Variants in MACROD2 observed in about 807,000 individuals in gnomAD.
MACROD2 encodes the protein ADP-ribose glycohydrolase MACROD2.
Under a neutral mutation model 70.4 loss-of-function variants are expected in MACROD2, and 36 were observed. The observed-to-expected ratio is 0.51, with a 90% CI of 0.39 to 0.68. MACROD2 has a LOEUF of 0.68. Ranked by LOEUF, MACROD2 falls within the 30% of genes least tolerant of loss-of-function variation. The pLI is 0.00. For missense variants in MACROD2, 496 were observed against 538.4 expected, an observed-to-expected ratio of 0.92 and a Z score of 0.78; for synonymous variants, 172 against 178.8, an observed-to-expected ratio of 0.96 and a Z score of 0.30.
At chr20:15,435,716 A>G (rs1321953834) in intron 7 of MACROD2, among the ~76,000 whole-genome samples, 1 of 152,192 alleles carries the variant, frequency 6.6e-6, no homozygotes, top group Non-Finnish European at 1.5e-5. Flanking sequence ...TAAAATCTAG[A>G]GTGGATCATG....
intron 5 of MACROD2, among the ~76,000 whole-genome samples, chr20:14,961,329 A>C (rs1468269126): frequency 6.6e-6 from 1 of 152,186 alleles, no homozygotes; most frequent in African/African-American, 2.4e-5. Context: ...GAAATTGAGA[A>C]CCAGGGTGAT....
At position 14,267,666 on chromosome 20, in the gene MACROD2, C is replaced by G. The variant is rs111787611; in HGVS notation, c.271+181938C>G. 4.5e-3 allele frequency among the ~76,000 whole-genome samples: 691 copies of G among 152,172 alleles called. 3 individuals are homozygous for G. Among genetic ancestry groups the G allele is most frequent in the South Asian group, 8.3e-3 (40 of 4,824 alleles). ...GCTCTAGTTAGGTCTTACCATGTGT[C>G]TACTCTCATTTCTGATTATTGCTAA... On this transcript the variant is annotated intron_variant, in intron 3 of 17. Transcript: ENST00000684519.
chr20:14,053,381 GTCT>G (rs1183480122), intron 2 of MACROD2: 5 of 152,032 alleles, frequency 3.3e-5, no homozygotes, highest in Non-Finnish European at 5.9e-5. Flanking sequence ...AAAAACGCTG[GTCT>G]TCTTTTAATG....
At chr20:14,748,863 A>G (rs1210590118) in intron 5 of MACROD2, among the ~76,000 whole-genome samples, 1 of 152,086 alleles carries the variant, frequency 6.6e-6, no homozygotes, top group Non-Finnish European at 1.5e-5. Context: ...TCCATGCACC[A>G]CGGTAGTCTA....
At chr20:14,136,936 T>A (rs1340631661) in intron 3 of MACROD2, among the ~76,000 whole-genome samples, 1 of 152,210 alleles carries the variant, frequency 6.6e-6, no homozygotes, top group Non-Finnish European at 1.5e-5. Context: ...AACATAGCAC[T>A]TAATAGCTAG....
chr20:15,085,256 C>T (rs928035999), intron 5 of MACROD2, among the ~76,000 whole-genome samples: 2 of 151,960 alleles, frequency 1.3e-5, no homozygotes. Flanking sequence ...GAATTCAAGA[C>T]CTAAATGTAA....
chr20:15,722,675 CT>C (rs148024443), intron 8 of MACROD2, among the ~76,000 whole-genome samples: 4 of 151,750 alleles, frequency 2.6e-5, no homozygotes, highest in African/African-American at 4.8e-5. Context: ...AGTGGCTTAT[CT>C]TTTTTTTATT....
intron 8 of MACROD2, among the ~76,000 whole-genome samples, chr20:15,783,897 T>A (rs1405950625): frequency 6.6e-6 from 1 of 152,122 alleles, no homozygotes; most frequent in African/African-American, 2.4e-5. Flanking sequence ...GACTCATGCT[T>A]TCTCTTCCCA....
chr20:14,616,479 T>C (rs1352666181), intron 4 of MACROD2, among the ~76,000 whole-genome samples: 5 of 152,134 alleles, frequency 3.3e-5, no homozygotes, highest in Non-Finnish European at 5.9e-5. Context: ...TGGTGAATAA[T>C]ATTATTTTGA....
chr20:15,471,210 T>A (rs2046960738), intron 7 of MACROD2, among the ~76,000 whole-genome samples: 1 of 152,212 alleles, frequency 6.6e-6, no homozygotes, highest in Non-Finnish European at 1.5e-5. Context: ...CCATCACACA[T>A]GCTCTCCTTC....
intron 6 of MACROD2, among the ~76,000 whole-genome samples, chr20:15,364,313 C>T (rs2146250752): frequency 6.6e-6 from 1 of 152,318 alleles, no homozygotes; most frequent in South Asian, 2.1e-4. Flanking sequence ...GTGTATTGGC[C>T]ATCTGTCCAG....
intron 3 of MACROD2, among the ~76,000 whole-genome samples, chr20:14,231,385 G>A (rs1234741378): frequency 2.0e-5 from 3 of 151,926 alleles, no homozygotes; most frequent in Non-Finnish European, 4.4e-5. Flanking sequence ...GAGAATGTGC[G>A]GTGTTTGGTT....
intron 8 of MACROD2, among the ~76,000 whole-genome samples, chr20:15,636,979 C>T (rs995508556): frequency 6.6e-6 from 1 of 152,156 alleles, no homozygotes; most frequent in African/African-American, 2.4e-5. Context: ...CACTTCACTG[C>T]TGAAGGTGTT....
intron 5 of MACROD2, among the ~76,000 whole-genome samples, chr20:14,748,074 T>C (rs2071822888): frequency 6.6e-6 from 1 of 152,104 alleles, no homozygotes; most frequent in Non-Finnish European, 1.5e-5. Flanking sequence ...GTACCACATA[T>C]ACAAGATTCT....
chr20:14,293,087 G>A (rs184965068), intron 3 of MACROD2, among the ~76,000 whole-genome samples: 8 of 151,934 alleles, frequency 5.3e-5, no homozygotes, highest in Non-Finnish European at 1.0e-4. Context: ...TCATAACCCA[G>A]TGACTTTGTC....
intron 3 of MACROD2, among the ~76,000 whole-genome samples, chr20:14,438,536 A>G (rs2122950803): frequency 6.6e-6 from 1 of 152,272 alleles, no homozygotes; most frequent in Non-Finnish European, 1.5e-5. Flanking sequence ...CCAACAGTTT[A>G]CAAAGGTTCT....
intron 6 of MACROD2, among the ~76,000 whole-genome samples, chr20:15,289,313 A>G (rs184000551): frequency 5.5e-4 from 84 of 152,378 alleles, no homozygotes; most frequent in South Asian, 2.1e-3. Context: ...ACAAGGATTT[A>G]GAAAGGGAGA....
At chr20:14,719,006 G>A (rs112146370) in intron 5 of MACROD2, among the ~76,000 whole-genome samples, 1,812 of 152,170 alleles carry the variant, frequency 0.012, 35 homozygotes, top group African/African-American at 0.041. Flanking sequence ...GGCTGAGGCG[G>A]GCAGATCACG....
At chr20:14,917,969 A>ATTTTG (rs1388455753) in intron 5 of MACROD2, among the ~76,000 whole-genome samples, 1 of 151,806 alleles carries the variant, frequency 6.6e-6, no homozygotes, top group Non-Finnish European at 1.5e-5. Flanking sequence ...ATACGGAAGG[A>ATTTTG]TTTTGTTTTG....
Sources: allele counts gnomAD v4.1 joint callset (sites outside exome capture counted in the v4.1 genomes callset), GRCh38; gene constraint gnomAD v4.1.1; transcripts MANE v1.5; gene names NCBI Gene and HGNC (gene_info 2026-07-23, HGNC 2026-07-21).